Variants in PRDM5 observed in about 807,000 individuals in gnomAD.
PRDM5 encodes PR/SET domain 5, also known as PR domain zinc finger protein 5.
A neutral mutation model predicts 81.2 loss-of-function variants in PRDM5; 56 were observed. The observed-to-expected ratio is 0.69, with a 90% CI of 0.56 to 0.86. The LOEUF (loss-of-function observed/expected upper bound fraction) is 0.86, where lower values mean the gene tolerates loss of function less well. PRDM5 is among the 40% of genes least tolerant of loss of function. The pLI, the probability that PRDM5 is intolerant of heterozygous loss-of-function variation, is 0.00. For missense variants in PRDM5, 697 were observed against 770.1 expected (o/e 0.91, Z 1.12); for synonymous variants, 267 against 256.4 (o/e 1.04, Z -0.39).
chr4:120,863,491 T>C (rs974423212), intron 2 of PRDM5, among the ~76,000 whole-genome samples: 2 of 151,874 alleles, frequency 1.3e-5, no homozygotes, highest in Non-Finnish European at 2.9e-5. Flanking sequence ...GTGCTGAAAA[T>C]GGGATACAAA....
At position 120,754,566 on chromosome 4, in the gene PRDM5, C is replaced by T. The variant is rs1246127390; in HGVS notation, c.1610G>A (p.Arg537His). Reference protein sequence around the residue: ...SKNDGLKMHIRTHTREKPYKC... With the variant: ...SKNDGLKMHIHTHTREKPYKC... ...ATATAATCTTACCCTGGTGTGAGTA[C>T]GAATGTGCATCTTCAGTCCATCATT... Residue 537 changes from arginine (R) to histidine (H), a missense_variant, in exon 14 of 16, where the codon CGT becomes CAT. Physicochemically the swap from Arg to His is conservative, Grantham distance 29. Around this residue, in one of 3 missense-constraint regions of PRDM5, gnomAD observed 86 missense variants for 135.2 expected, o/e 0.64. Coordinates refer to ENST00000264808, the MANE Select transcript of PRDM5 (RefSeq NM_018699.4). 9 of 1,577,114 alleles carry T rather than the reference C, an allele frequency of 5.7e-6. No individual in the cohort carries two copies. Among genetic ancestry groups the T allele is most frequent in the East Asian group, 2.2e-5 (1 of 44,728 alleles).
chr4:120,691,674 G>T (rs1240948923), downstream of PRDM5, among the ~76,000 whole-genome samples: 1 of 151,950 alleles, frequency 6.6e-6, no homozygotes, highest in Non-Finnish European at 1.5e-5. Flanking sequence ...GTATAACCAG[G>T]AATGAGAAGA....
At chr4:120,817,088 C>T (rs1453023156) in intron 5 of PRDM5, among the ~76,000 whole-genome samples, 164 bp from the exon 6 acceptor site, 2 of 152,132 alleles carry the variant, frequency 1.3e-5, no homozygotes, top group African/African-American at 4.8e-5. Flanking sequence ...TAAGCTCTTG[C>T]TCAGCAGTGT....
At position 120,724,991 on chromosome 4, in the gene PRDM5, C is replaced by A. The variant is rs973493331; in HGVS notation, c.1624-14578G>T. 1.3e-5 allele frequency among the ~76,000 whole-genome samples: 2 copies of A among 152,168 alleles called. 1 individual carries two copies. Among genetic ancestry groups the A allele is most frequent in the African/African-American group, 4.8e-5 (2 of 41,448 alleles). ...AAACTTAAAAATGCTGAAAAAACAG[C>A]TTATTTGCACAGGTGAGGATTCTAT... On this transcript the variant is annotated intron_variant, in intron 14 of 15. Coordinates refer to ENST00000264808, the MANE Select transcript of PRDM5 (RefSeq NM_018699.4).
chr4:120,901,580 G>C (rs1765232498), intron 2 of PRDM5, among the ~76,000 whole-genome samples: 1 of 152,174 alleles, frequency 6.6e-6, no homozygotes, highest in Non-Finnish European at 1.5e-5. Context: ...CGAGGCCACA[G>C]ACTTTTTAAA....
At chr4:120,866,945 A>T (rs563579109) in intron 2 of PRDM5, among the ~76,000 whole-genome samples, 1 of 152,330 alleles carries the variant, frequency 6.6e-6, no homozygotes, top group South Asian at 2.1e-4. Context: ...GTAAGTATAG[A>T]AGTTAAAGAT....
intron 13 of PRDM5, among the ~76,000 whole-genome samples, chr4:120,764,451 C>T (rs1221909626): frequency 6.6e-6 from 1 of 151,902 alleles, no homozygotes; most frequent in Non-Finnish European, 1.5e-5. Context: ...AAAATTAGGG[C>T]CTCTGATATT....
At chr4:120,759,780 T>C (rs1745329737) in intron 13 of PRDM5, among the ~76,000 whole-genome samples, 1 of 152,242 alleles carries the variant, frequency 6.6e-6, no homozygotes, top group Non-Finnish European at 1.5e-5. Flanking sequence ...TTAGACACTA[T>C]CTTTATTTTG....
intron 14 of PRDM5, among the ~76,000 whole-genome samples, chr4:120,742,974 T>C (rs1027110551): frequency 2.0e-5 from 3 of 151,742 alleles, no homozygotes; most frequent in Non-Finnish European, 2.9e-5. Context: ...AGACACATAA[T>C]TGTCAGATTC....
chr4:120,910,034 C>G (rs1284034043), intron 1 of PRDM5, among the ~76,000 whole-genome samples: 6 of 150,898 alleles, frequency 4.0e-5, no homozygotes, highest in African/African-American at 1.5e-4. Flanking sequence ...GTATAAATTT[C>G]TTCATATTTT....
chr4:120,821,291 GCT>G lies in PRDM5; in HGVS notation c.353_354del (p.Glu118AlafsTer8). 10 of 1,614,002 alleles carry G rather than the reference GCT, an allele frequency of 6.2e-6. No homozygotes were observed. Among genetic ancestry groups the G allele is most frequent in the Non-Finnish European group, 8.5e-6 (10 of 1,179,982 alleles). Reference protein sequence around the residue: ...LAVEDIETDTELLIGYLDSDM... With the variant: ...LAVEDIETDTXLLIGYLDSDM... ...TCACTATCCAGGTAGCCAATCAGAA[GCT>G]CCGTGTCTGTTTCTATATCTTCAAC... On this transcript the variant is annotated frameshift_variant, in exon 4 of 16. Coordinates refer to ENST00000264808, the MANE Select transcript of PRDM5 (RefSeq NM_018699.4). LOFTEE classifies it high-confidence loss of function.
chr4:120,921,993 A>T (rs1256901486), intron 1 of PRDM5, among the ~76,000 whole-genome samples: 1 of 152,228 alleles, frequency 6.6e-6, no homozygotes, highest in African/African-American at 2.4e-5. Context: ...ATGAGATTCT[A>T]CGGCCTGCGT....
chr4:120,799,678 T>C lies in PRDM5; in HGVS notation c.1013A>G (p.His338Arg), dbSNP rs756757676. ...KFISANQLKR[H>R]MITHSEKRPY... ...TAGTTTACCTGAGTGGGTGATCATA[T>C]GACGTTTTAGCTGATTAGCTGAAAT... Residue 338 changes from histidine (H) to arginine (R), a missense_variant, in exon 9 of 16, where the codon CAT becomes CGT. Physicochemically the swap from His to Arg is conservative, Grantham distance 29. Transcript: ENST00000264808. The C allele has an allele frequency of 2.5e-5, 41 of 1,612,746 alleles. No individual in the cohort carries two copies. Among genetic ancestry groups the C allele is most frequent in the Non-Finnish European group, 3.3e-5 (39 of 1,179,692 alleles).
At chr4:120,760,671 AGTTGATTTTG>A (rs1325747028) in intron 13 of PRDM5, among the ~76,000 whole-genome samples, 1 of 152,156 alleles carries the variant, frequency 6.6e-6, no homozygotes, top group African/African-American at 2.4e-5. Flanking sequence ...AACTATAAAA[AGTTGATTTTG>A]GTTGATTTTT....
intron 15 of PRDM5, among the ~76,000 whole-genome samples, chr4:120,707,768 T>C (rs1219558889): frequency 1.3e-5 from 2 of 152,026 alleles, no homozygotes; most frequent in South Asian, 2.1e-4. Flanking sequence ...AAAAAAATAT[T>C]TGCATGTCAT....
intron 14 of PRDM5, among the ~76,000 whole-genome samples, chr4:120,722,611 C>T (rs186398670): frequency 9.9e-4 from 151 of 152,200 alleles, no homozygotes; most frequent in African/African-American, 3.5e-3. Context: ...TGAGGTATGG[C>T]CTGGGCTTTG....
intron 13 of PRDM5, among the ~76,000 whole-genome samples, chr4:120,770,954 C>A (rs1240173102): frequency 6.6e-6 from 1 of 151,962 alleles, no homozygotes; most frequent in African/African-American, 2.4e-5. Flanking sequence ...TAGTAGATAA[C>A]TTTTCAATTA....
At chr4:120,712,671 T>C (rs1045060997) in intron 14 of PRDM5, among the ~76,000 whole-genome samples, 4 of 152,224 alleles carry the variant, frequency 2.6e-5, no homozygotes, top group Non-Finnish European at 5.9e-5. Context: ...ATACTATCAT[T>C]CCGTATCCAC....
At chr4:120,828,766 T>C (rs948932798) in intron 3 of PRDM5, among the ~76,000 whole-genome samples, 6 of 152,068 alleles carry the variant, frequency 3.9e-5, no homozygotes, top group African/African-American at 1.4e-4. Context: ...CCTAGCTACA[T>C]CTGATATTAA....
Sources: allele counts gnomAD v4.1 joint callset (sites outside exome capture counted in the v4.1 genomes callset), GRCh38; gene constraint gnomAD v4.1.1; regional missense constraint gnomAD v4.1.1; transcripts MANE v1.5; gene names NCBI Gene and HGNC (gene_info 2026-07-23, HGNC 2026-07-21).